ADGRL3: variants seen among roughly 807,000 people sequenced by gnomAD.
ADGRL3 encodes calcium-independent alpha-latrotoxin receptor 3.
ADGRL3 carries 62 observed loss-of-function variants against 153.5 expected under a neutral mutation model. That is an observed-to-expected ratio of 0.40 (90% CI 0.33 to 0.50). ADGRL3 has a LOEUF of 0.50. Ranked by LOEUF, ADGRL3 falls within the 20% of genes least tolerant of loss-of-function variation. The pLI, the probability that ADGRL3 is intolerant of heterozygous loss-of-function variation, is 0.47. For synonymous variants in ADGRL3, 710 were observed against 672.5 expected (o/e 1.06, Z -0.86); for missense variants, 1,641 against 1,859.4 (o/e 0.88, Z 2.16).
intron 1 of ADGRL3, among the ~76,000 whole-genome samples, chr4:61,235,029 C>T (rs908934926): frequency 3.3e-5 from 5 of 151,974 alleles, no homozygotes; most frequent in Non-Finnish European, 7.4e-5. Flanking sequence ...AAATAAGGTC[C>T]CAGAAGAGAT....
intron 2 of ADGRL3, among the ~76,000 whole-genome samples, chr4:61,491,673 A>G (rs972817601): frequency 3.3e-5 from 5 of 152,074 alleles, no homozygotes; most frequent in African/African-American, 1.2e-4. Context: ...TCCCCGCTTG[A>G]TATCCCAAAG....
At chr4:61,938,565 T>C (rs1452022804) in intron 15 of ADGRL3, among the ~76,000 whole-genome samples, 1 of 152,116 alleles carries the variant, frequency 6.6e-6, no homozygotes, top group East Asian at 1.9e-4. Flanking sequence ...CTTTACCACA[T>C]CACAGAATCA....
chr4:61,752,682 C>T (rs114644803), intron 8 of ADGRL3, among the ~76,000 whole-genome samples: 4,789 of 152,214 alleles, frequency 0.031, 230 homozygotes, highest in African/African-American at 0.11. Context: ...CCTGTAATGC[C>T]AGCACTTTGG....
chr4:61,230,230 A>AG (rs1378915834), intron 1 of ADGRL3, among the ~76,000 whole-genome samples: 2 of 152,178 alleles, frequency 1.3e-5, no homozygotes, highest in African/African-American at 4.8e-5. Context: ...ATTGGCACAT[A>AG]GGGAGTGCTC....
chr4:61,647,889 C>G (rs912037054), intron 5 of ADGRL3, among the ~76,000 whole-genome samples: 1 of 151,998 alleles, frequency 6.6e-6, no homozygotes, highest in African/African-American at 2.4e-5. Context: ...TTGGATATTA[C>G]TATATTTAAA....
In ADGRL3 at chr4:61,522,536, A is replaced by T. The variant is rs573334830; in HGVS notation, c.259+5018A>T. On this transcript the variant is annotated intron_variant, in intron 4 of 26. Transcript: ENST00000683033. ...AGCTTACATAATTTTACGTACGATG[A>T]TGTAATAAACTGTTAGGAGCAGGAA... is the stretch of plus-strand genomic sequence containing the variant. 2.0e-5 allele frequency among the ~76,000 whole-genome samples: 3 copies of T among 152,250 alleles called. No individual in the cohort carries two copies. In the South Asian group the frequency reaches 6.2e-4, roughly 32 times the overall value.
chr4:61,681,774 T>G (rs2095341572), intron 6 of ADGRL3, among the ~76,000 whole-genome samples: 1 of 152,136 alleles, frequency 6.6e-6, no homozygotes, highest in Admixed American at 6.6e-5. Context: ...AATGAGTGCA[T>G]ATTTAAATGT....
At chr4:61,852,881 T>C (rs1335499766) in intron 9 of ADGRL3, among the ~76,000 whole-genome samples, 1 of 152,130 alleles carries the variant, frequency 6.6e-6, no homozygotes. Flanking sequence ...TAGAGCATGT[T>C]ACTTTTAAAA....
chr4:61,713,259 G>T (rs2096036667), intron 6 of ADGRL3, among the ~76,000 whole-genome samples: 1 of 151,882 alleles, frequency 6.6e-6, no homozygotes, highest in Admixed American at 6.6e-5. Flanking sequence ...GGTTATGCTT[G>T]TGTGACAAGC....
intron 4 of ADGRL3, among the ~76,000 whole-genome samples, chr4:61,530,556 T>C (rs1413601769): frequency 6.6e-6 from 1 of 152,186 alleles, no homozygotes; most frequent in Non-Finnish European, 1.5e-5. Flanking sequence ...TGGAATTTTA[T>C]ACTTTTGTTG....
chr4:61,482,275 C>T (rs1340292852), intron 2 of ADGRL3, among the ~76,000 whole-genome samples: 1 of 152,144 alleles, frequency 6.6e-6, no homozygotes, highest in East Asian at 1.9e-4. Flanking sequence ...AAAAAATCAT[C>T]TGCTTTATCA....
At position 61,493,355 on chromosome 4, in the gene ADGRL3, T is replaced by A. The variant is rs150491603; in HGVS notation, c.-173-3766T>A. Among the ~76,000 whole-genome samples, 3 of 152,236 alleles carry A rather than the reference T, an allele frequency of 2.0e-5. No homozygotes were observed. In the East Asian group the frequency reaches 5.8e-4, roughly 29 times the overall value. ...AACAAATCCCTATGCCTAAATCAAA[T>A]GTCAAATGTCCGAGTAGAGATGGCT... On this transcript the variant is annotated intron_variant, in intron 2 of 26. Coordinates refer to ENST00000683033, the MANE Select transcript of ADGRL3 (RefSeq NM_001387552.1).
intron 9 of ADGRL3, among the ~76,000 whole-genome samples, chr4:61,891,591 G>A (rs2098586504): frequency 6.6e-6 from 1 of 152,102 alleles, no homozygotes; most frequent in Non-Finnish European, 1.5e-5. Flanking sequence ...GACCTCCTCG[G>A]GGCAGCGGAG....
At chr4:61,697,935 T>C (rs1300856427) in intron 6 of ADGRL3, among the ~76,000 whole-genome samples, 1 of 152,126 alleles carries the variant, frequency 6.6e-6, no homozygotes, top group Non-Finnish European at 1.5e-5. Flanking sequence ...CAGATCATCT[T>C]CCTCTATACC....
intron 4 of ADGRL3, among the ~76,000 whole-genome samples, chr4:61,528,105 T>G (rs1298883288): frequency 6.6e-6 from 1 of 152,176 alleles, no homozygotes; most frequent in Non-Finnish European, 1.5e-5. Context: ...ACTTGAAAGA[T>G]GTGTGACCTC....
rs1560622760 is a variant in ADGRL3, at chr4:61,432,590, CTTTCTTTCTT to C, written c.-174+49403_-174+49412del. Among the ~76,000 whole-genome samples the C allele has an allele frequency of 4.3e-3, 46 of 10,664 alleles. 7 individuals carry two copies. The highest frequency in any genetic ancestry group is 0.01 in the Admixed American group (9 of 862). 7.0% of individuals were successfully genotyped at this position (10,664 alleles called of 152,430 possible). The stretch of plus-strand genomic sequence containing the variant: ...TTTCTCTTCCTTTCTTTCTTTCTTT[CTTTCTTTCTT>C]TCTTTCTTTCTTTCTTTCTTTCTTT... On this transcript the variant is annotated intron_variant, in intron 2 of 26. Coordinates refer to ENST00000683033, the MANE Select transcript of ADGRL3 (RefSeq NM_001387552.1).
chr4:61,487,488 G>T (rs72636175), intron 2 of ADGRL3, among the ~76,000 whole-genome samples: 4,722 of 152,018 alleles, frequency 0.031, 258 homozygotes, highest in African/African-American at 0.1. Flanking sequence ...ATTTTTCTTG[G>T]TTCTCTGTAG....
chr4:61,231,497 C>T (rs1278261990), intron 1 of ADGRL3, among the ~76,000 whole-genome samples: 1 of 151,930 alleles, frequency 6.6e-6, no homozygotes, highest in Non-Finnish European at 1.5e-5. Context: ...TCTTTTCTTT[C>T]TTTGAGAACA....
intron 2 of ADGRL3, among the ~76,000 whole-genome samples, chr4:61,413,861 A>G (rs1395759450): frequency 1.3e-5 from 2 of 152,188 alleles, no homozygotes; most frequent in East Asian, 3.9e-4. Context: ...TGTCTGCCTT[A>G]TTTTCTCCAT....
Sources: gnomAD v4.1 joint callset for allele counts (sites outside exome capture counted in the v4.1 genomes callset) on GRCh38, gnomAD v4.1.1 for gene constraint, MANE v1.5 for transcripts, NCBI Gene and HGNC (gene_info 2026-07-23, HGNC 2026-07-21) for gene names.